The following PLXNA4 variants were observed in gnomAD, a reference collection of about 807,000 sequenced individuals.
PLXNA4 encodes the protein plexin A4, also known as plexin-A4.
In PLXNA4, 44 loss-of-function variants were observed where a neutral mutation model predicts 191.8. That is an observed-to-expected ratio of 0.23 (90% CI 0.18 to 0.29). The LOEUF is 0.29. Among genes scored for constraint, PLXNA4 ranks in the 10% least tolerant of loss-of-function variants. The probability of loss-of-function intolerance (pLI) is 1.00; values close to 1 mark genes in which losing one functional copy is unlikely to be tolerated. For missense variants in PLXNA4, 1,800 were observed against 2,488.8 expected (o/e 0.72, Z 5.89); for synonymous variants, 1,082 against 1,009.5 (o/e 1.07, Z -1.36).
chr7:132,563,969 TC>T (rs1801557702), intron 1 of PLXNA4, among the ~76,000 whole-genome samples: 3 of 55,266 alleles, frequency 5.4e-5, no homozygotes, highest in Non-Finnish European at 1.2e-4. Context: ...CCATTCTTTC[TC>T]CTCCTCCTCC....
chr7:132,293,072 G>T (rs756536850), intron 4 of PLXNA4, among the ~76,000 whole-genome samples: 2 of 152,186 alleles, frequency 1.3e-5, no homozygotes, highest in African/African-American at 4.8e-5. Flanking sequence ...AGGTGGAGAT[G>T]AGTCACAGGA....
At chr7:132,526,242 C>A (rs953287768) in intron 1 of PLXNA4, among the ~76,000 whole-genome samples, 17 of 152,156 alleles carry the variant, frequency 1.1e-4, no homozygotes, top group African/African-American at 3.9e-4. Context: ...CCCTTCCCAC[C>A]AAAGGCTCAT....
At chr7:132,472,582 C>T (rs961924237) in intron 3 of PLXNA4, among the ~76,000 whole-genome samples, 2 of 152,226 alleles carry the variant, frequency 1.3e-5, no homozygotes, top group Non-Finnish European at 2.9e-5. Flanking sequence ...CAGCCGACCG[C>T]CTCCCAAGCC....
At chr7:132,320,642 C>CTTGG (rs1802124231) in intron 3 of PLXNA4, among the ~76,000 whole-genome samples, 1 of 152,012 alleles carries the variant, frequency 6.6e-6, no homozygotes. Context: ...TCTCCAAGCA[C>CTTGG]TGAATGACCT....
chr7:132,368,227 G>A (rs1804274454), intron 3 of PLXNA4, among the ~76,000 whole-genome samples: 1 of 152,164 alleles, frequency 6.6e-6, no homozygotes, highest in Non-Finnish European at 1.5e-5. Flanking sequence ...GGCATTTAGA[G>A]GGAGTGGAAC....
chr7:132,495,887 ATTTAC>A (rs937955803), intron 2 of PLXNA4, among the ~76,000 whole-genome samples: 2 of 152,332 alleles, frequency 1.3e-5, no homozygotes, highest in East Asian at 3.9e-4. Context: ...AGACAAGGCT[ATTTAC>A]TTTTCCTCAC....
chr7:132,472,270 G>C (rs188885858), intron 3 of PLXNA4, among the ~76,000 whole-genome samples: 1 of 152,168 alleles, frequency 6.6e-6, no homozygotes. Flanking sequence ...AGAAAATCCA[G>C]ATCTTTTCTC....
chr7:132,592,740 C>T (rs1006308570), intron 2 of PLXNA4, among the ~76,000 whole-genome samples: 1 of 151,810 alleles, frequency 6.6e-6, no homozygotes, highest in Non-Finnish European at 1.5e-5. Context: ...AGAGATAATG[C>T]TAATGGAATT....
intron 2 of PLXNA4, among the ~76,000 whole-genome samples, chr7:132,503,442 G>A (rs768725825): frequency 1.6e-4 from 24 of 152,282 alleles, no homozygotes; most frequent in Middle Eastern, 6.8e-3. Flanking sequence ...GGGATGCCAG[G>A]TGCTTGGTCA....
chr7:132,633,298 T>G (rs1488305299), intron 2 of PLXNA4, among the ~76,000 whole-genome samples: 1 of 151,416 alleles, frequency 6.6e-6, no homozygotes, highest in African/African-American at 2.4e-5. Flanking sequence ...TTTTTTTTTT[T>G]TTTAAGACGG....
intron 4 of PLXNA4, among the ~76,000 whole-genome samples, chr7:132,261,374 G>A (rs1268705266): frequency 6.6e-6 from 1 of 152,228 alleles, no homozygotes; most frequent in Non-Finnish European, 1.5e-5. Flanking sequence ...TGCTTTTCCT[G>A]CAGGGACTGA....
chr7:132,482,499 C>T (rs1406235753), intron 3 of PLXNA4, among the ~76,000 whole-genome samples: 2 of 152,124 alleles, frequency 1.3e-5, no homozygotes, highest in African/African-American at 4.8e-5. Context: ...CAGCCCCAGC[C>T]AATACCATGA....
At chr7:132,296,231 G>A (rs1308784983) in intron 4 of PLXNA4, among the ~76,000 whole-genome samples, 1 of 152,110 alleles carries the variant, frequency 6.6e-6, no homozygotes, top group African/African-American at 2.4e-5. Flanking sequence ...CCCATAATAT[G>A]GAGTTCTCAG....
intron 1 of PLXNA4, among the ~76,000 whole-genome samples, chr7:132,559,425 G>A (rs1800936184): frequency 6.6e-6 from 1 of 152,082 alleles, no homozygotes; most frequent in Non-Finnish European, 1.5e-5. Context: ...ACTTGATGTT[G>A]TACTGCAATT....
chr7:132,462,761 T>A (rs1325440047), intron 3 of PLXNA4, among the ~76,000 whole-genome samples: 1 of 151,856 alleles, frequency 6.6e-6, no homozygotes, highest in Non-Finnish European at 1.5e-5. Context: ...TTTTTGAAGA[T>A]GATAGAATTT....
At chr7:132,159,085 G>A (rs777484959) in intron 25 of PLXNA4, among the ~76,000 whole-genome samples, 23 of 152,274 alleles carry the variant, frequency 1.5e-4, no homozygotes, top group Non-Finnish European at 2.9e-4. Flanking sequence ...CAACAGAGGC[G>A]GTGGCAGGAC....
At chr7:132,444,076 T>C (rs1024443724) in intron 3 of PLXNA4, among the ~76,000 whole-genome samples, 2 of 152,240 alleles carry the variant, frequency 1.3e-5, no homozygotes, top group South Asian at 2.1e-4. Context: ...CTTAAGAACA[T>C]TGTCTTGCTG....
intron 6 of PLXNA4, 36 bp from the exon 7 acceptor site, chr7:132,227,640 G>T: frequency 4.3e-6 from 7 of 1,613,494 alleles, no homozygotes; most frequent in Non-Finnish European, 5.9e-6. Flanking sequence ...GAAGGAGGAG[G>T]GTGAAATGGG....
At chr7:132,624,670 T>A (rs1174001854) in intron 2 of PLXNA4, among the ~76,000 whole-genome samples, 1 of 152,236 alleles carries the variant, frequency 6.6e-6, no homozygotes, top group Non-Finnish European at 1.5e-5. Flanking sequence ...GTATAAGTCA[T>A]GAACTTGGTC....
Sources: allele counts gnomAD v4.1 joint callset (sites outside exome capture counted in the v4.1 genomes callset), GRCh38; gene constraint gnomAD v4.1.1; transcripts MANE v1.5; gene names NCBI Gene and HGNC (gene_info 2026-07-23, HGNC 2026-07-21).